Variants in KHDRBS2 observed in about 807,000 individuals in gnomAD.
KHDRBS2 encodes the protein KH RNA binding domain containing, signal transduction associated 2, also known as KH domain-containing, RNA-binding, signal transduction-associated protein 2.
A neutral mutation model predicts 44.3 loss-of-function variants in KHDRBS2; 26 were observed. The ratio of observed to expected loss-of-function variants is 0.59; its 90% CI spans 0.43 to 0.81. KHDRBS2 has a LOEUF of 0.81. KHDRBS2 is among the 40% of genes least tolerant of loss of function. The pLI, the probability that KHDRBS2 is intolerant of heterozygous loss-of-function variation, is 0.00. For missense variants in KHDRBS2, 476 were observed against 433.1 expected, an observed-to-expected ratio of 1.10 and a Z score of -0.88; for synonymous variants, 194 against 151.1, an observed-to-expected ratio of 1.28 and a Z score of -2.08.
chr6:61,966,596 T>C (rs1769997550), intron 4 of KHDRBS2, among the ~76,000 whole-genome samples: 1 of 152,028 alleles, frequency 6.6e-6, no homozygotes, highest in African/African-American at 2.4e-5. Context: ...AAAATACAAA[T>C]TACACAATAT....
chr6:61,585,537 C>G, the KHDRBS2 span, among the ~76,000 whole-genome samples: 2 of 151,826 alleles, frequency 1.3e-5, no homozygotes, highest in South Asian at 2.1e-4. Context: ...TTAGAAAATA[C>G]GATTTGCAAG....
rs561367357 is a variant in KHDRBS2 at position 62,039,410 on chromosome 6, GGA to G, written c.336+8466_336+8467del. On this transcript the variant is annotated intron_variant, in intron 3 of 8. Coordinates refer to ENST00000281156, the MANE Select transcript of KHDRBS2 (RefSeq NM_152688.4). ...TCTAAATTCATATATATGTATGTATGGAGAGAGAGATTATCTGCTAAATAATA... is the reference window on the plus strand; with the variant it reads ...TCTAAATTCATATATATGTATGTATGGAGAGAGATTATCTGCTAAATAATA... 2.0e-3 allele frequency among the ~76,000 whole-genome samples: 298 copies of G among 151,710 alleles called. 3 individuals are homozygous for G. Among genetic ancestry groups the G allele is most frequent in the African/African-American group, 6.9e-3 (286 of 41,406 alleles).
chr6:62,133,201 T>A (rs1292743749), intron 2 of KHDRBS2, among the ~76,000 whole-genome samples: 2 of 152,144 alleles, frequency 1.3e-5, no homozygotes, highest in African/African-American at 4.8e-5. Flanking sequence ...TTTGGTTGTG[T>A]CCCCACCCAA....
intron 2 of KHDRBS2, among the ~76,000 whole-genome samples, chr6:62,062,976 T>C (rs1176398853): frequency 6.6e-6 from 1 of 151,058 alleles, no homozygotes; most frequent in Non-Finnish European, 1.5e-5. Flanking sequence ...AAATACAAAC[T>C]ACCATCAGAG....
chr6:61,925,535 G>A (rs917178395), intron 4 of KHDRBS2, among the ~76,000 whole-genome samples: 67 of 152,156 alleles, frequency 4.4e-4, no homozygotes, highest in African/African-American at 1.5e-3. Context: ...CGGCAACGTA[G>A]TGAGACCTTG....
chr6:62,229,882 C>T (rs1832612538), intron 1 of KHDRBS2, among the ~76,000 whole-genome samples: 2 of 152,202 alleles, frequency 1.3e-5, no homozygotes, highest in African/African-American at 2.4e-5. Context: ...GCAGGATTTG[C>T]ACACTGTGAT....
the KHDRBS2 span, among the ~76,000 whole-genome samples, chr6:61,616,509 C>T: frequency 6.7e-6 from 1 of 149,382 alleles, no homozygotes; most frequent in Non-Finnish European, 1.5e-5. Flanking sequence ...AATGCTATTG[C>T]TTTCTAAACC....
At chr6:61,749,105 C>G (rs1008620418) in intron 6 of KHDRBS2, among the ~76,000 whole-genome samples, 4 of 149,588 alleles carry the variant, frequency 2.7e-5, no homozygotes, top group Non-Finnish European at 5.9e-5. Flanking sequence ...CTCCGCCTCC[C>G]AGGTTCACAC....
At chr6:61,646,881 G>A in the KHDRBS2 span, among the ~76,000 whole-genome samples, 47 of 152,076 alleles carry the variant, frequency 3.1e-4, no homozygotes, top group Non-Finnish European at 7.4e-5. Flanking sequence ...GTGCAGTGGC[G>A]TGATCTTGGC....
chr6:61,671,527 C>A, the KHDRBS2 span, among the ~76,000 whole-genome samples: 1 of 151,668 alleles, frequency 6.6e-6, no homozygotes, highest in South Asian at 2.1e-4. Flanking sequence ...TTCTCCAATG[C>A]ACACTGTAAA....
chr6:61,590,551 A>T, the KHDRBS2 span, among the ~76,000 whole-genome samples: 2 of 152,214 alleles, frequency 1.3e-5, no homozygotes, highest in African/African-American at 4.8e-5. Flanking sequence ...GGATCTAAGA[A>T]GATATAAATT....
rs577775579 is a variant in KHDRBS2 at position 62,002,608 on chromosome 6, G to T, written c.337-24396C>A. 3.3e-3 allele frequency among the ~76,000 whole-genome samples: 498 copies of T among 150,802 alleles called. 1 individual carries two copies. The highest frequency in any genetic ancestry group is 5.6e-3 in the Non-Finnish European group (380 of 67,596). On this transcript the variant is annotated intron_variant, in intron 3 of 8. Transcript: ENST00000281156. ...AATTGTTTATCTGAAGATTTCAATC[G>T]TAATGTAGAATAGAGCAATGTAAAA...
intron 6 of KHDRBS2, among the ~76,000 whole-genome samples, chr6:61,754,234 T>C (rs1198572709): frequency 6.6e-6 from 1 of 152,188 alleles, no homozygotes; most frequent in Admixed American, 6.5e-5. Context: ...AAGCTGTCTA[T>C]GTTAAAACAA....
At chr6:62,009,912 G>T (rs1405824288) in intron 3 of KHDRBS2, among the ~76,000 whole-genome samples, 35 of 152,304 alleles carry the variant, frequency 2.3e-4, no homozygotes, top group Non-Finnish European at 4.1e-4. Context: ...CTCTGCTAGG[G>T]CACTGCAGAA....
At chr6:62,002,772 A>G (rs2127260599) in intron 3 of KHDRBS2, among the ~76,000 whole-genome samples, 1 of 151,634 alleles carries the variant, frequency 6.6e-6, no homozygotes, top group African/African-American at 2.4e-5. Context: ...GTCATAACAC[A>G]AAGATAAAAT....
chr6:61,677,223 A>T (rs1765995481), downstream of KHDRBS2, among the ~76,000 whole-genome samples: 1 of 151,916 alleles, frequency 6.6e-6, no homozygotes, highest in Admixed American at 6.6e-5. Flanking sequence ...CATCAAAAGA[A>T]TAACAACCTA....
At chr6:61,901,567 T>C in intron 4 of KHDRBS2, among the ~76,000 whole-genome samples, 196 bp from the exon 5 acceptor site, 1 of 152,114 alleles carries the variant, frequency 6.6e-6, no homozygotes, top group Non-Finnish European at 1.5e-5. Context: ...TATAGAGAAA[T>C]TGAAATTGCT....
At chr6:61,987,634 G>A (rs1469590879) in intron 3 of KHDRBS2, among the ~76,000 whole-genome samples, 5 of 152,136 alleles carry the variant, frequency 3.3e-5, no homozygotes, top group Admixed American at 3.3e-4. Flanking sequence ...TAGCCTGAAT[G>A]GGATTGTTCT....
chr6:61,650,837 G>GT, the KHDRBS2 span, among the ~76,000 whole-genome samples: 2 of 152,042 alleles, frequency 1.3e-5, no homozygotes, highest in Non-Finnish European at 2.9e-5. Context: ...ATGAGGAAAA[G>GT]TTTTCTATTG....
Sources: gnomAD v4.1 joint callset for allele counts (sites outside exome capture counted in the v4.1 genomes callset) on GRCh38, gnomAD v4.1.1 for gene constraint, MANE v1.5 for transcripts, NCBI Gene and HGNC (gene_info 2026-07-23, HGNC 2026-07-21) for gene names.